The following CCSER2 variants were observed in gnomAD, a reference collection of about 807,000 sequenced individuals.
CCSER2 encodes serine-rich coiled-coil domain-containing protein 2.
A neutral mutation model predicts 92.3 loss-of-function variants in CCSER2; 46 were observed. That is an observed-to-expected ratio of 0.50 (90% CI 0.39 to 0.64). The LOEUF is 0.64. CCSER2 is among the 30% of genes least tolerant of loss of function. The pLI, the probability that CCSER2 is intolerant of heterozygous loss-of-function variation, is 0.00. For synonymous variants in CCSER2, 433 were observed against 431.4 expected, an observed-to-expected ratio of 1.00 and a Z score of -0.04; for missense variants, 1,244 against 1,238.9, an observed-to-expected ratio of 1.00 and a Z score of -0.06.
intron 5 of CCSER2, among the ~76,000 whole-genome samples, chr10:84,427,059 G>T (rs1442837677): frequency 1.3e-5 from 2 of 152,154 alleles, no homozygotes; most frequent in African/African-American, 2.4e-5. Context: ...AATATAATAT[G>T]TAGCCATTTT....
rs1564584965 is a variant in CCSER2 at position 84,347,580 on chromosome 10, CGGCT to C, written c.-40+18776_-40+18779del. ...CCTCCCACCTCCCTCGCGGACGGGG[CGGCT>C]GGCCTGGCGGGGGCTGACCCTCACC... On this transcript the variant is annotated intron_variant, in intron 1 of 9. Coordinates refer to ENST00000372088, the MANE Select transcript of CCSER2 (RefSeq NM_001284240.2). Among the ~76,000 whole-genome samples, 3 of 150,480 alleles carry C rather than the reference CGGCT, an allele frequency of 2.0e-5. No homozygotes were observed. In the East Asian group the frequency reaches 5.9e-4, roughly 30 times the overall value.
chr10:84,341,951 C>T (rs552687480), intron 1 of CCSER2, among the ~76,000 whole-genome samples: 5 of 152,316 alleles, frequency 3.3e-5, no homozygotes, highest in East Asian at 3.9e-4. Context: ...GATATCTCCA[C>T]GTATTCAGCT....
At chr10:84,488,537 T>A (rs1189601257) in intron 9 of CCSER2, among the ~76,000 whole-genome samples, 1 of 152,212 alleles carries the variant, frequency 6.6e-6, no homozygotes, top group Non-Finnish European at 1.5e-5. Context: ...TAGAGGTGTT[T>A]ATGGTATTCT....
rs1554828778 is a variant in CCSER2 at position 84,332,412 on chromosome 10, T to TTATA, written c.-40+3626_-40+3629dup. On this transcript the variant is annotated intron_variant, in intron 1 of 9. Coordinates refer to ENST00000372088, the MANE Select transcript of CCSER2 (RefSeq NM_001284240.2). ...ATTTTATATTATTAAATTTATTTTT[T>TTATA]TATATATATATATATATATATATAT... is the stretch of plus-strand genomic sequence containing the variant. 5.6e-4 allele frequency among the ~76,000 whole-genome samples: 46 copies of TTATA among 82,272 alleles called. 2 individuals carry two copies. Among genetic ancestry groups the TTATA allele is most frequent in the African/African-American group, 1.0e-3 (17 of 16,618 alleles). The allele number at this position is 82,272 out of a possible 152,430, so 54.0% of individuals were successfully genotyped here.
intron 4 of CCSER2, among the ~76,000 whole-genome samples, chr10:84,424,232 A>G (rs1012407986): frequency 1.8e-4 from 27 of 151,936 alleles, no homozygotes; most frequent in Non-Finnish European, 3.2e-4. Context: ...ACATTTTTGG[A>G]CATAATGGTC....
At chr10:84,436,127 A>C (rs1844105964) in intron 5 of CCSER2, among the ~76,000 whole-genome samples, 1 of 151,346 alleles carries the variant, frequency 6.6e-6, no homozygotes, top group Non-Finnish European at 1.5e-5. Flanking sequence ...CAGGAGATCG[A>C]GACCACCCTG....
At chr10:84,505,102 G>A (rs923700350) in intron 9 of CCSER2, among the ~76,000 whole-genome samples, 5 of 151,794 alleles carry the variant, frequency 3.3e-5, no homozygotes, top group Admixed American at 6.6e-5. Flanking sequence ...ATTTTCAGTC[G>A]TTCTGCTTTT....
chr10:84,504,802 ATAT>A (rs771617842), intron 9 of CCSER2, among the ~76,000 whole-genome samples: 14 of 152,182 alleles, frequency 9.2e-5, no homozygotes, highest in Non-Finnish European at 1.9e-4. Context: ...AGAGCCAGAG[ATAT>A]TATTCCAATT....
chr10:84,421,589 A>C (rs1280180003), intron 4 of CCSER2, among the ~76,000 whole-genome samples: 1 of 152,158 alleles, frequency 6.6e-6, no homozygotes, highest in Non-Finnish European at 1.5e-5. Flanking sequence ...CCTGCCCTTT[A>C]CACATGGGGA....
At chr10:84,465,016 C>T (rs992830280) in intron 7 of CCSER2, among the ~76,000 whole-genome samples, 2 of 152,090 alleles carry the variant, frequency 1.3e-5, no homozygotes, top group Admixed American at 1.3e-4. Context: ...GGCTTTTCAA[C>T]TTGTTGACTA....
At chr10:84,469,280 AT>A (rs1333443051) in intron 7 of CCSER2, among the ~76,000 whole-genome samples, 1 of 152,154 alleles carries the variant, frequency 6.6e-6, no homozygotes, top group Non-Finnish European at 1.5e-5. Context: ...ATGATCTGCA[AT>A]CCATCTTTTT....
chr10:84,432,105 A>G (rs1843804522), intron 5 of CCSER2, among the ~76,000 whole-genome samples: 2 of 152,206 alleles, frequency 1.3e-5, no homozygotes, highest in South Asian at 4.1e-4. Context: ...TTAGGTATGT[A>G]GTGGTATTTC....
intron 3 of CCSER2, among the ~76,000 whole-genome samples, chr10:84,416,992 A>G (rs1842921084): frequency 6.6e-6 from 1 of 152,170 alleles, no homozygotes; most frequent in Admixed American, 6.5e-5. Context: ...TGGACTTTTG[A>G]TCTTTTTACT....
At chr10:84,339,053 TA>T (rs887583538) in intron 1 of CCSER2, among the ~76,000 whole-genome samples, 3 of 150,702 alleles carry the variant, frequency 2.0e-5, no homozygotes, top group Admixed American at 6.6e-5. Context: ...CTGTTTTTGC[TA>T]AAAAAAAATC....
chr10:84,469,787 C>T (rs1380694327), intron 7 of CCSER2, among the ~76,000 whole-genome samples: 1 of 152,098 alleles, frequency 6.6e-6, no homozygotes, highest in African/African-American at 2.4e-5. Flanking sequence ...AAGGTGTTCT[C>T]TCTTTGATTC....
intron 3 of CCSER2, among the ~76,000 whole-genome samples, chr10:84,395,851 C>A (rs1204976088): frequency 1.3e-5 from 2 of 152,162 alleles, no homozygotes; most frequent in Non-Finnish European, 2.9e-5. Context: ...GCCCTTGAGT[C>A]ATTATGTCTC....
intron 5 of CCSER2, among the ~76,000 whole-genome samples, chr10:84,431,649 G>A (rs1843774221): frequency 6.6e-6 from 1 of 152,018 alleles, no homozygotes. Context: ...GGCTGAGGTG[G>A]GGGGATCACT....
At chr10:84,501,902 C>T (rs1269628570) in intron 9 of CCSER2, among the ~76,000 whole-genome samples, 8 of 107,074 alleles carry the variant, frequency 7.5e-5, no homozygotes, top group East Asian at 5.3e-4. Flanking sequence ...TAGGTTCTCA[C>T]GGCCTGTGCA....
chr10:84,426,912 A>G (rs1843466768), intron 5 of CCSER2, among the ~76,000 whole-genome samples: 1 of 152,232 alleles, frequency 6.6e-6, no homozygotes, highest in Non-Finnish European at 1.5e-5. Context: ...CTTGGATGTC[A>G]GCAGTTGTAA....
Sources: gnomAD v4.1 joint callset for allele counts (sites outside exome capture counted in the v4.1 genomes callset) on GRCh38, gnomAD v4.1.1 for gene constraint, MANE v1.5 for transcripts, NCBI Gene and HGNC (gene_info 2026-07-23, HGNC 2026-07-21) for gene names.